The following PLA2G2C variants were observed in gnomAD, a reference collection of about 807,000 sequenced individuals.
PLA2G2C encodes putative inactive group IIC secretory phospholipase A2.
PLA2G2C carries 15 observed loss-of-function variants against 14.3 expected under a neutral mutation model. The observed-to-expected ratio is 1.05, with a 90% CI of 0.70 to 1.62. The LOEUF is 1.62. Ranked by LOEUF, PLA2G2C falls within the 40% of genes most tolerant of loss-of-function variation. The pLI, the probability that PLA2G2C is intolerant of heterozygous loss-of-function variation, is 0.00. For synonymous variants in PLA2G2C, 79 were observed against 67.7 expected (o/e 1.17, Z -0.82); for missense variants, 162 against 173.2 (o/e 0.94, Z 0.36).
chr1:20,167,930 C>G (rs1445954573), intron 4 of PLA2G2C, among the ~76,000 whole-genome samples: 1 of 152,262 alleles, frequency 6.6e-6, no homozygotes, highest in African/African-American at 2.4e-5. Flanking sequence ...CTTCAGAGCA[C>G]TTGGCCCTGT....
intron 1 of PLA2G2C, among the ~76,000 whole-genome samples, chr1:20,179,404 T>TGTCAGCTTCTCTCTCTAG (rs1553184492): frequency 3.3e-5 from 5 of 152,128 alleles, no homozygotes; most frequent in South Asian, 2.1e-4. Context: ...CTCCCTTGTG[T>TGTCAGCTTCTCTCTCTAG]GTCAGCTTCT....
rs112933096 is a variant in PLA2G2C, at chr1:20,181,679, G to A, written c.-76-4240C>T. Among the ~76,000 whole-genome samples, 904 of 152,150 alleles carry A rather than the reference G, an allele frequency of 5.9e-3. 11 individuals are homozygous for A. Among genetic ancestry groups the A allele is most frequent in the African/African-American group, 0.021 (867 of 41,496 alleles). On this transcript the variant is annotated intron_variant, in intron 1 of 4. Coordinates refer to ENST00000679259, the MANE Select transcript of PLA2G2C (RefSeq NM_001367969.2). ...GCTTCATTTCTCAGGCCCAGCAGCC[G>A]GACAGGAATGGAGTCAGAGCAGCTT...
At chr1:20,184,117 C>T (rs561871572) in intron 1 of PLA2G2C, 1 of 152,198 alleles carries the variant, frequency 6.6e-6, no homozygotes, top group African/African-American at 2.4e-5. Flanking sequence ...GTACTGCTGA[C>T]GTTAACTGCA....
intron 4 of PLA2G2C, among the ~76,000 whole-genome samples, chr1:20,169,339 G>T (rs1283523183): frequency 1.3e-5 from 2 of 152,016 alleles, no homozygotes; most frequent in Non-Finnish European, 2.9e-5. Flanking sequence ...CACCACATCT[G>T]GCTAATTGTT....
At chr1:20,165,003 G>T (rs147043563) in intron 4 of PLA2G2C, among the ~76,000 whole-genome samples, 2 of 152,340 alleles carry the variant, frequency 1.3e-5, no homozygotes, top group African/African-American at 4.8e-5. Flanking sequence ...TACAGCCCCA[G>T]TGTGGTTTCC....
At chr1:20,167,033 G>T (rs1289001668) in intron 4 of PLA2G2C, among the ~76,000 whole-genome samples, 1 of 152,224 alleles carries the variant, frequency 6.6e-6, no homozygotes, top group Non-Finnish European at 1.5e-5. Context: ...AGAAAGGAAA[G>T]GAGGGCTTTG....
In PLA2G2C at chr1:20,175,240, C is replaced by T. The variant is rs549815952; in HGVS notation, c.41-95G>A. The T allele has an allele frequency of 1.5e-4, 228 of 1,562,464 alleles. 1 individual carries two copies. The Admixed American group carries it at 3.4e-3, about 24-fold the overall frequency. ...TCCCCTTACTAGAGTGCTGAGCATT[C>T]GAAATATCACCAGATCCCCAAAGCG... is the stretch of plus-strand genomic sequence containing the variant. On this transcript the variant is annotated intron_variant, in intron 2 of 4. Coordinates refer to ENST00000679259, the MANE Select transcript of PLA2G2C (RefSeq NM_001367969.2).
chr1:20,172,391 G>A (rs2018099589), intron 4 of PLA2G2C, among the ~76,000 whole-genome samples: 1 of 152,144 alleles, frequency 6.6e-6, no homozygotes, highest in Non-Finnish European at 1.5e-5. Context: ...CTTAGTGCTT[G>A]GCATGCAGTC....
Position 20,163,809 on chromosome 1 carries a change from T to C in PLA2G2C, c.*182A>G, listed in dbSNP as rs2017910794. On this transcript the variant is annotated 3_prime_UTR_variant, in exon 5 of 5. Coordinates refer to ENST00000679259, the MANE Select transcript of PLA2G2C (RefSeq NM_001367969.2). ...TTCCCATTTCTGCTCTCCAGCCCTC[T>C]GATGCTGAACGACAGGGAGTCCCCT... is the stretch of plus-strand genomic sequence containing the variant. 1 of 658,660 alleles carries C rather than the reference T, an allele frequency of 1.5e-6. No individual in the cohort carries two copies. Among genetic ancestry groups the C allele is most frequent in the Non-Finnish European group, 2.5e-6 (1 of 400,434 alleles). The allele number at this position is 658,660 out of a possible 1,614,324, so 40.8% of individuals were successfully genotyped here. A position where few individuals can be genotyped will look rare whatever the true frequency, so the allele number is the denominator to read the frequency against.
chr1:20,172,409 A>C (rs2018099905), intron 4 of PLA2G2C, among the ~76,000 whole-genome samples: 1 of 152,172 alleles, frequency 6.6e-6, no homozygotes, highest in African/African-American at 2.4e-5. Context: ...GTCGCCCTTA[A>C]TAAATATTTG....
intron 4 of PLA2G2C, among the ~76,000 whole-genome samples, chr1:20,172,315 C>T (rs1350456361): frequency 6.6e-6 from 1 of 152,056 alleles, no homozygotes; most frequent in African/African-American, 2.4e-5. Context: ...CTTGAATGGT[C>T]TCAGTAACAT....
intron 1 of PLA2G2C, among the ~76,000 whole-genome samples, chr1:20,180,199 C>G (rs1309573327): frequency 2.0e-5 from 3 of 152,018 alleles, no homozygotes; most frequent in African/African-American, 7.3e-5. Flanking sequence ...CTCCTGGAGC[C>G]TCCCAGCAAC....
intron 4 of PLA2G2C, among the ~76,000 whole-genome samples, chr1:20,165,720 ATGTGTATGCT>A (rs56673847): frequency 0.14 from 21,469 of 151,602 alleles, 1,828 homozygotes; most frequent in East Asian, 0.49. Flanking sequence ...GCCTGTGTGC[ATGTGTATGCT>A]TGTGTGTGCA....
chr1:20,185,629 G>A (rs1417497782), intron 1 of PLA2G2C, among the ~76,000 whole-genome samples: 5 of 152,312 alleles, frequency 3.3e-5, no homozygotes, highest in East Asian at 1.9e-4. Context: ...GGGCTGTACT[G>A]AGGATGGGGG....
At chr1:20,170,513 G>T (rs2018053427) in intron 4 of PLA2G2C, among the ~76,000 whole-genome samples, 1 of 152,172 alleles carries the variant, frequency 6.6e-6, no homozygotes, top group South Asian at 2.1e-4. Flanking sequence ...GTACCCAGTG[G>T]ATGCTCGCTC....
At position 20,163,819 on chromosome 1, in the gene PLA2G2C, C is replaced by T. The variant is rs146388441; in HGVS notation, c.*172G>A. 4.8e-5 allele frequency: 34 copies of T among 706,448 alleles called. No homozygotes were observed. Among genetic ancestry groups the T allele is most frequent in the African/African-American group, 4.5e-4 (25 of 55,382 alleles). The allele number at this position is 706,448 out of a possible 1,614,324, so 43.8% of individuals were successfully genotyped here. ...TGCTCTCCAGCCCTCTGATGCTGAA[C>T]GACAGGGAGTCCCCTTGGTCAGAAT... On this transcript the variant is annotated 3_prime_UTR_variant, in exon 5 of 5. Transcript: ENST00000679259.
Position 20,164,389 on chromosome 1 carries a change from C to T in PLA2G2C, c.284-232G>A, listed in dbSNP as rs1205762812. 4.6e-5 allele frequency among the ~76,000 whole-genome samples: 7 copies of T among 151,936 alleles called. No homozygotes were observed. The East Asian group carries it at 5.8e-4, about 13-fold the overall frequency. ...GCGTGCATTTGTGTGTGTGTATGGTCGTGTGTGCATGTGCCTGTGTATGTG... is the reference window on the plus strand; with the variant it reads ...GCGTGCATTTGTGTGTGTGTATGGTTGTGTGTGCATGTGCCTGTGTATGTG... On this transcript the variant is annotated intron_variant, in intron 4 of 4. Coordinates refer to ENST00000679259, the MANE Select transcript of PLA2G2C (RefSeq NM_001367969.2).
intron 4 of PLA2G2C, among the ~76,000 whole-genome samples, chr1:20,171,860 C>T (rs960456140): frequency 3.4e-5 from 5 of 147,718 alleles, no homozygotes; most frequent in African/African-American, 1.3e-4. Context: ...CTCCCGGGTT[C>T]ACGCCATTCT....
At chr1:20,180,213 CT>C (rs112902049) in intron 1 of PLA2G2C, among the ~76,000 whole-genome samples, 2,551 of 152,212 alleles carry the variant, frequency 0.017, 73 homozygotes, top group African/African-American at 0.057. Flanking sequence ...CAGCAACATA[CT>C]TTTTTTGCAT....
Sources: gnomAD v4.1 joint callset for allele counts (sites outside exome capture counted in the v4.1 genomes callset) on GRCh38, gnomAD v4.1.1 for gene constraint, MANE v1.5 for transcripts, NCBI Gene and HGNC (gene_info 2026-07-23, HGNC 2026-07-21) for gene names.